Variants in ANO1 observed in about 807,000 individuals in gnomAD.
The protein encoded by ANO1 is anoctamin 1.
ANO1 carries 59 observed loss-of-function variants against 124.0 expected under a neutral mutation model. The ratio of observed to expected loss-of-function variants is 0.48; its 90% CI spans 0.39 to 0.59. The LOEUF (loss-of-function observed/expected upper bound fraction) is 0.59. Ranked by LOEUF, ANO1 falls within the 20% of genes least tolerant of loss-of-function variation. The probability of loss-of-function intolerance (pLI) is 0.00; values close to 1 mark genes in which losing one functional copy is unlikely to be tolerated. For synonymous variants in ANO1, 529 were observed against 532.0 expected, an observed-to-expected ratio of 0.99 and a Z score of 0.08; for missense variants, 1,059 against 1,328.0, an observed-to-expected ratio of 0.80 and a Z score of 3.15.
upstream of ANO1, among the ~76,000 whole-genome samples, chr11:70,078,143 A>G (rs1190107136): frequency 6.6e-6 from 1 of 152,078 alleles, no homozygotes. Context: ...AACCCTCAAA[A>G]ATCCAAAGGG....
intron 1 of ANO1, among the ~76,000 whole-genome samples, chr11:70,007,404 G>A (rs1856513632): frequency 6.6e-6 from 1 of 151,560 alleles, no homozygotes; most frequent in African/African-American, 2.4e-5. Flanking sequence ...AGCCTCCCGA[G>A]TAGCTGGGAC....
intron 7 of ANO1, among the ~76,000 whole-genome samples, chr11:70,112,436 G>C (rs1452980422): frequency 3.3e-5 from 5 of 152,148 alleles, no homozygotes; most frequent in African/African-American, 1.2e-4. Context: ...TTCCAGTCCC[G>C]GCCACTTACC....
At position 70,058,519 on chromosome 11, in the gene ANO1, C is replaced by T. The variant is rs868985090; in HGVS notation, c.59-20023C>T. ...AGCAGAGAAGTTATTAGAGAAGCTA[C>T]GGAAGGTTGTGAGAAGATTAGCAGC... On this transcript the variant is annotated intron_variant, in intron 1 of 27. Coordinates refer to the ANO1 transcript ENST00000531349. Among the ~76,000 whole-genome samples the T allele has an allele frequency of 5.9e-5, 9 of 152,294 alleles. No individual in the cohort carries two copies. The East Asian group carries it at 7.7e-4, about 13-fold the overall frequency.
chr11:70,156,657 T>C (rs2047827698), intron 15 of ANO1, among the ~76,000 whole-genome samples: 2 of 152,190 alleles, frequency 1.3e-5, no homozygotes, highest in African/African-American at 4.8e-5. Context: ...CAACAGTCTT[T>C]AGAAAGGCAG....
In ANO1 at chr11:70,057,516, G is replaced by A. The variant is rs146555690; in HGVS notation, c.59-21026G>A. ...GGTGCAGGCGAGGCAGACTGAGTCC[G>A]AAAAAGGAGTCAGCAAAGGGAGATG... On this transcript the variant is annotated intron_variant, in intron 1 of 27. Transcript: ENST00000531349. Among the ~76,000 whole-genome samples the A allele has an allele frequency of 5.2e-3, 785 of 152,130 alleles. 5 individuals carry two copies. The highest frequency in any genetic ancestry group is 0.018 in the African/African-American group (731 of 41,466).
chr11:70,182,518 T>C lies in ANO1; in HGVS notation c.2420T>C (p.Phe807Ser). 6.3e-7 allele frequency: 1 copy of C among 1,591,610 alleles called. No individual in the cohort carries two copies. The highest frequency in any genetic ancestry group is 8.6e-7 in the Non-Finnish European group (1 of 1,168,712). ...CCTGCACAGGCCTTCGTGATCTCCTTCACGTCTGACTTCATCCCGCGCCTG... is the reference window on the plus strand; with the variant it reads ...CCTGCACAGGCCTTCGTGATCTCCTCCACGTCTGACTTCATCCCGCGCCTG... ...AVIINAFVISFTSDFIPRLVY... is the reference protein window; with the variant it reads ...AVIINAFVISSTSDFIPRLVY... Residue 807 changes from phenylalanine to serine, a missense_variant, in exon 24 of 26, where the codon TTC (phenylalanine) becomes TCC (serine). Phe to Ser is a radical substitution (Grantham distance 155). This residue lies in a region of ANO1 where 809 missense variants were observed against 1,094.9 expected (regional missense o/e 0.74). Transcript: ENST00000355303.
chr11:69,991,455 C>CAT, intron 1 of ANO1, among the ~76,000 whole-genome samples: 1 of 152,190 alleles, frequency 6.6e-6, no homozygotes, highest in Non-Finnish European at 1.5e-5. Context: ...AGAGAGGAGC[C>CAT]TGCCCCCCTG....
intron 1 of ANO1, among the ~76,000 whole-genome samples, chr11:70,082,044 G>A (rs974332731): frequency 2.6e-5 from 4 of 152,236 alleles, no homozygotes; most frequent in African/African-American, 9.6e-5. Context: ...CCTAAGTCCA[G>A]ATGTCTTTGT....
chr11:70,087,817 C>T lies in ANO1; in HGVS notation c.174C>T (p.Gly58=), dbSNP rs752015352. 3.1e-6 allele frequency: 5 copies of T among 1,612,796 alleles called. No individual in the cohort carries two copies. The African/African-American group carries it at 4.0e-5, about 13-fold the overall frequency. The part of the protein sequence containing the change: ...ECKYGLYFRD[G]RRKVDYILVY... ...AGTATGGCCTGTACTTCAGGGACGG[C>T]CGGCGCAAGGTGGACTACATCCTGG... Residue 58 remains glycine (G), a synonymous_variant, in exon 2 of 26, where the codon GGC becomes GGT. Coordinates refer to ENST00000355303, the MANE Select transcript of ANO1 (RefSeq NM_018043.7).
At chr11:70,069,890 T>C (rs1857827081) in intron 1 of ANO1, among the ~76,000 whole-genome samples, 1 of 152,192 alleles carries the variant, frequency 6.6e-6, no homozygotes, top group Non-Finnish European at 1.5e-5. Flanking sequence ...GTCGGGTCCA[T>C]TTTTAACCCT....
chr11:69,990,723 C>A (rs573378505), intron 1 of ANO1, among the ~76,000 whole-genome samples: 1 of 145,218 alleles, frequency 6.9e-6, no homozygotes, highest in Non-Finnish European at 1.5e-5. Flanking sequence ...TTGATTTTCA[C>A]TGCCTAATCA....
intron 1 of ANO1, among the ~76,000 whole-genome samples, chr11:70,062,001 G>A (rs1336351574): frequency 6.9e-6 from 1 of 145,862 alleles, no homozygotes; most frequent in African/African-American, 2.5e-5. Flanking sequence ...GTGAGGATGA[G>A]CAATAGAGTA....
At chr11:70,066,908 C>G (rs1002918390) in intron 1 of ANO1, among the ~76,000 whole-genome samples, 4 of 152,038 alleles carry the variant, frequency 2.6e-5, no homozygotes, top group Admixed American at 2.0e-4. Context: ...AAGTGCCTGT[C>G]CCCACTCCCA....
chr11:70,010,641 A>G (rs1410313620), intron 1 of ANO1, among the ~76,000 whole-genome samples: 1 of 152,092 alleles, frequency 6.6e-6, no homozygotes, highest in Non-Finnish European at 1.5e-5. Context: ...CTGGGGCATC[A>G]TGGGAGAGAT....
the ANO1 span, among the ~76,000 whole-genome samples, chr11:69,967,173 C>T: frequency 9.1e-5 from 2 of 22,026 alleles, no homozygotes; most frequent in East Asian, 6.7e-3. Context: ...TAGCTAGCAT[C>T]AGGCTCTGAG....
At chr11:70,085,297 A>T in intron 1 of ANO1, 1 of 1,313,190 alleles carries the variant, frequency 7.6e-7, no homozygotes, top group Non-Finnish European at 1.0e-6. Flanking sequence ...CTGCCCTCAA[A>T]AGCCAGCCCT....
chr11:70,153,411 CTT>C (rs1252657697), intron 14 of ANO1, among the ~76,000 whole-genome samples: 1 of 152,234 alleles, frequency 6.6e-6, no homozygotes, highest in African/African-American at 2.4e-5. Flanking sequence ...CTCTAGATCT[CTT>C]GTCATGATGT....
At chr11:70,119,395 G>T (rs1308025352) in intron 8 of ANO1, among the ~76,000 whole-genome samples, 1 of 151,606 alleles carries the variant, frequency 6.6e-6, no homozygotes, top group Non-Finnish European at 1.5e-5. Context: ...ATGGATGATG[G>T]GTGGGTGGGT....
At position 70,103,121 on chromosome 11, in the gene ANO1, G is replaced by A; in HGVS notation, c.497G>A (p.Cys166Tyr). Reference sequence around the variant, plus strand: ...ATCCATGCCCCCTGGAACGTGCTGTGCAGAGAGGCCGAGTTTCTGAAACTG... The same window carrying A: ...ATCCATGCCCCCTGGAACGTGCTGTACAGAGAGGCCGAGTTTCTGAAACTG... Reference protein sequence around the residue: ...VKIHAPWNVLCREAEFLKLKM... With the variant: ...VKIHAPWNVLYREAEFLKLKM... Residue 166 changes from cysteine to tyrosine, a missense_variant, in exon 3 of 26, where the codon TGC becomes TAC. By Grantham distance (194) the Cys-to-Tyr change is radical. This residue lies in a region of ANO1 where 250 missense variants were observed against 233.1 expected (regional missense o/e 1.07). Coordinates refer to ENST00000355303, the MANE Select transcript of ANO1 (RefSeq NM_018043.7). 3 of 1,612,974 alleles carry A rather than the reference G, an allele frequency of 1.9e-6. No individual in the cohort carries two copies. The highest frequency in any genetic ancestry group is 2.2e-5 in the East Asian group (1 of 44,880).
Sources: allele counts gnomAD v4.1 joint callset (sites outside exome capture counted in the v4.1 genomes callset), GRCh38; gene constraint gnomAD v4.1.1; regional missense constraint gnomAD v4.1.1; transcripts MANE v1.5; gene names NCBI Gene and HGNC (gene_info 2026-07-23, HGNC 2026-07-21).